SYT7: variants seen among roughly 807,000 people sequenced by gnomAD.
SYT7 encodes synaptotagmin-7.
SYT7 carries 29 observed loss-of-function variants against 75.1 expected under a neutral mutation model. That is an observed-to-expected ratio of 0.39 (90% confidence interval 0.29 to 0.53). The LOEUF (loss-of-function observed/expected upper bound fraction) is 0.53. Ranked by LOEUF, SYT7 falls within the 20% of genes least tolerant of loss-of-function variation. The probability of loss-of-function intolerance (pLI) is 0.77; values close to 1 mark genes in which losing one functional copy is unlikely to be tolerated. For synonymous variants in SYT7, 376 were observed against 401.7 expected (o/e 0.94, Z 0.76); for missense variants, 693 against 953.2 (o/e 0.73, Z 3.59).
At chr11:61,575,889 G>A (rs1012726533) in intron 1 of SYT7, among the ~76,000 whole-genome samples, 1 of 152,092 alleles carries the variant, frequency 6.6e-6, no homozygotes, top group Non-Finnish European at 1.5e-5. Context: ...CCCTGCCTCC[G>A]CCCTCCCCTT....
At chr11:61,565,192 G>T (rs1400488096) in intron 1 of SYT7, among the ~76,000 whole-genome samples, 1 of 152,166 alleles carries the variant, frequency 6.6e-6, no homozygotes, top group African/African-American at 2.4e-5. Flanking sequence ...GGGAAACAGT[G>T]AAAGCTGGAG....
chr11:61,549,854 C>T (rs1241039987), intron 3 of SYT7, among the ~76,000 whole-genome samples: 1 of 152,240 alleles, frequency 6.6e-6, no homozygotes, highest in Non-Finnish European at 1.5e-5. Context: ...CCGCCCTCCC[C>T]CTGGTTGGGA....
rs2062163911 is a variant in SYT7, at chr11:61,517,022, T to C, written c.*1605A>G. The C allele has an allele frequency of 8.0e-6, 3 of 375,964 alleles. No individual in the cohort carries two copies. The East Asian group carries it at 1.1e-4, about 14-fold the overall frequency. 23.3% of individuals were successfully genotyped at this position (375,964 alleles called of 1,614,324 possible). The stretch of plus-strand genomic sequence containing the variant: ...GTGGGGACCCTATCCAGAGTCCCCT[T>C]CTTCTCTTTGGGGTGTCACAGGCCC... On this transcript the variant is annotated 3_prime_UTR_variant, in exon 13 of 13. Transcript: ENST00000539008.
chr11:61,586,349 C>A, the SYT7 span, among the ~76,000 whole-genome samples: 7 of 152,318 alleles, frequency 4.6e-5, no homozygotes, highest in South Asian at 1.4e-3. Flanking sequence ...ACATTCCCTA[C>A]CCCTTGGGCA....
At chr11:61,579,300 C>T (rs182587837) in intron 1 of SYT7, among the ~76,000 whole-genome samples, 41 of 152,332 alleles carry the variant, frequency 2.7e-4, no homozygotes, top group East Asian at 2.5e-3. Context: ...GGCTGGAAGC[C>T]GGCGGCCTCT....
chr11:61,576,524 C>T lies in SYT7; in HGVS notation c.31+4266G>A, dbSNP rs1384168537. Among the ~76,000 whole-genome samples the T allele has an allele frequency of 6.6e-6, 1 of 152,230 alleles. No individual in the cohort carries two copies. The highest frequency in any genetic ancestry group is 1.9e-4 in the East Asian group (1 of 5,200). On this transcript the variant is annotated intron_variant, in intron 1 of 12. Coordinates refer to ENST00000539008, the MANE Select transcript of SYT7 (RefSeq NM_001365809.2). The surrounding 1 kb of genome is among the most constrained non-coding windows in gnomAD (Gnocchi z 4.1). ...GTGCTCTGAGGAGCCATCAAGCCAA[C>T]TCATTCTCCAGCTGGGGGTCATCAG... is the stretch of plus-strand genomic sequence containing the variant.
rs2063082562 is a variant in SYT7 at position 61,542,767 on chromosome 11, G to A, written c.573-188C>T. Among the ~76,000 whole-genome samples the A allele has an allele frequency of 1.3e-5, 2 of 152,324 alleles. No individual in the cohort carries two copies. Among genetic ancestry groups the A allele is most frequent in the South Asian group, 4.1e-4 (2 of 4,832 alleles). ...ACTGCCTCGCCCAGGAGGCTGCAAAGCCCTCGCGCCCACCCTGAGGCCCCA... is the reference window on the plus strand; with the variant it reads ...ACTGCCTCGCCCAGGAGGCTGCAAAACCCTCGCGCCCACCCTGAGGCCCCA... On this transcript the variant is annotated intron_variant, in intron 5 of 12. Coordinates refer to ENST00000539008, the MANE Select transcript of SYT7 (RefSeq NM_001365809.2). This position sits in a 1 kb window ranked among gnomAD's most constrained non-coding sequence, Gnocchi z 7.8.
At chr11:61,540,417 G>T in intron 6 of SYT7, 1 of 762,042 alleles carries the variant, frequency 1.3e-6, no homozygotes, top group Non-Finnish European at 1.6e-6. Flanking sequence ...TTTTTAGAGG[G>T]TTGTTTTAAA....
chr11:61,532,707 A>G (rs918964632), intron 8 of SYT7, among the ~76,000 whole-genome samples: 2 of 152,216 alleles, frequency 1.3e-5, no homozygotes, highest in African/African-American at 2.4e-5. Flanking sequence ...AAAGGGATCC[A>G]AGCAGGATGG....
intron 7 of SYT7, among the ~76,000 whole-genome samples, chr11:61,537,394 G>A (rs2135194766): frequency 6.6e-6 from 1 of 151,306 alleles, no homozygotes; most frequent in Admixed American, 6.6e-5. Flanking sequence ...CCTGATAGCT[G>A]AGGCTGTGGC....
chr11:61,545,408 G>A (rs2063155069), intron 5 of SYT7, among the ~76,000 whole-genome samples: 1 of 152,246 alleles, frequency 6.6e-6, no homozygotes, highest in Admixed American at 6.5e-5. Flanking sequence ...CCAAGACTGG[G>A]ACAGCCAACG....
intron 1 of SYT7, among the ~76,000 whole-genome samples, chr11:61,574,814 C>A (rs1207234873): frequency 6.6e-6 from 1 of 152,090 alleles, no homozygotes; most frequent in Non-Finnish European, 1.5e-5. Flanking sequence ...TCGCTGACAC[C>A]ACCCCATGGT....
intron 1 of SYT7, among the ~76,000 whole-genome samples, chr11:61,562,974 C>T (rs1023918707): frequency 1.3e-5 from 2 of 152,098 alleles, no homozygotes; most frequent in African/African-American, 4.8e-5. Context: ...CACCAGCTGC[C>T]CAGAGGGGAA....
chr11:61,547,044 T>G (rs1590891699), intron 4 of SYT7, 133 bp downstream of exon 4: 13 of 1,075,832 alleles, frequency 1.2e-5, no homozygotes, highest in African/African-American at 6.4e-5. Context: ...GGTGGATGGG[T>G]GGGGAAGTTG....
At chr11:61,574,709 A>G (rs2064020536) in intron 1 of SYT7, among the ~76,000 whole-genome samples, 1 of 151,880 alleles carries the variant, frequency 6.6e-6, no homozygotes. Context: ...GTGCTGGAGC[A>G]AGCAAATGCT....
chr11:61,537,338 C>T (rs1213191232), intron 7 of SYT7, among the ~76,000 whole-genome samples: 1 of 152,122 alleles, frequency 6.6e-6, no homozygotes, highest in Non-Finnish European at 1.5e-5. Context: ...AGCAGCGCCC[C>T]ACCCCCTCCC....
At chr11:61,520,151 A>C (rs1478487274) in intron 12 of SYT7, among the ~76,000 whole-genome samples, 1 of 142,656 alleles carries the variant, frequency 7.0e-6, no homozygotes, top group Non-Finnish European at 1.6e-5. Flanking sequence ...TGGCCTCCCA[A>C]AGTGCTGGGA....
At chr11:61,522,991 C>G (rs545204545) in intron 12 of SYT7, 84 bp downstream of exon 12, 3 of 1,406,808 alleles carry the variant, frequency 2.1e-6, no homozygotes, top group Non-Finnish European at 3.0e-6. Context: ...AGCCTGTGCC[C>G]GTCCACTACC....
chr11:61,523,189 G>A lies in SYT7; in HGVS notation c.1842C>T (p.Pro614=), dbSNP rs1227859144. ...KTVTMKRNLN[P]IFNESFAFDI... ...CGAAGGCGAAGGACTCATTGAAGAT[G>A]GGGTTCAGGTTCCTCTTCATCGTCA... Residue 614 remains proline, a synonymous_variant, in exon 12 of 13, where the codon CCC becomes CCT. Coordinates refer to ENST00000539008, the MANE Select transcript of SYT7 (RefSeq NM_001365809.2). The surrounding 1 kb of genome is among the most constrained non-coding windows in gnomAD (Gnocchi z 5.0). 3 of 1,614,246 alleles carry A rather than the reference G, an allele frequency of 1.9e-6. No individual in the cohort carries two copies. The highest frequency in any genetic ancestry group is 2.5e-6 in the Non-Finnish European group (3 of 1,180,048).
Sources: gnomAD v4.1 joint callset for allele counts (sites outside exome capture counted in the v4.1 genomes callset) on GRCh38, gnomAD v4.1.1 for gene constraint, Gnocchi (gnomAD v3.1) non-coding constraint, MANE v1.5 for transcripts, NCBI Gene and HGNC (gene_info 2026-07-23, HGNC 2026-07-21) for gene names.